The following CPNE8 variants were observed in gnomAD, a reference collection of about 807,000 sequenced individuals.
CPNE8 encodes copine-8.
CPNE8 carries 45 observed loss-of-function variants against 81.5 expected under a neutral mutation model. The ratio of observed to expected loss-of-function variants is 0.55; its 90% CI spans 0.44 to 0.71. The LOEUF is 0.71. Among genes scored for constraint, CPNE8 ranks in the 30% least tolerant of loss-of-function variants. The pLI, the probability that CPNE8 is intolerant of heterozygous loss-of-function variation, is 0.00. For synonymous variants in CPNE8, 252 were observed against 226.3 expected, an observed-to-expected ratio of 1.11 and a Z score of -1.02; for missense variants, 594 against 672.1, an observed-to-expected ratio of 0.88 and a Z score of 1.28.
chr12:38,821,640 T>A (rs1409640405), intron 6 of CPNE8, among the ~76,000 whole-genome samples: 1 of 152,200 alleles, frequency 6.6e-6, no homozygotes, highest in Non-Finnish European at 1.5e-5. Flanking sequence ...TTTACCTATA[T>A]CTCTCATGAC....
Position 38,805,352 on chromosome 12 carries a change from TC to T in CPNE8, c.407+24026del, listed in dbSNP as rs1178388389. Among the ~76,000 whole-genome samples, 17 of 22,082 alleles carry T rather than the reference TC, an allele frequency of 7.7e-4. No homozygotes were observed. The South Asian group carries it at 0.025, about 32-fold the overall frequency. The allele number at this position is 22,082 out of a possible 152,430, so 14.5% of individuals were successfully genotyped here. On this transcript the variant is annotated intron_variant, in intron 6 of 19. Coordinates refer to ENST00000331366, the MANE Select transcript of CPNE8 (RefSeq NM_153634.3). ...AGCCATAAAAAATGATGAGTTCATG[TC>T]CTTTGTAGGGACATGGATGAAATTG...
intron 18 of CPNE8, 26 bp from the exon 19 acceptor site, chr12:38,670,828 T>C (rs7980889): frequency 0.056 from 86,862 of 1,546,648 alleles, 7,787 homozygotes; most frequent in East Asian, 0.46. Flanking sequence ...TGATCATTTA[T>C]TCAGTACATT....
At chr12:38,704,909 T>C (rs1940066922) in intron 13 of CPNE8, among the ~76,000 whole-genome samples, 1 of 119,374 alleles carries the variant, frequency 8.4e-6, no homozygotes, top group Non-Finnish European at 1.8e-5. Context: ...TTTAGTGAAT[T>C]AGTTTAGTTT....
At chr12:38,730,823 A>G (rs1408993883) in intron 10 of CPNE8, among the ~76,000 whole-genome samples, 2 of 149,896 alleles carry the variant, frequency 1.3e-5, no homozygotes. Context: ...AAAAGTTATA[A>G]CATATTAATA....
chr12:38,873,195 C>G, intron 2 of CPNE8, 145 bp from the exon 3 acceptor site: 1 of 560,296 alleles, frequency 1.8e-6, no homozygotes, highest in Admixed American at 3.8e-5. Flanking sequence ...AAAAAAAAGG[C>G]TAGTAAATCA....
At chr12:38,894,335 C>T (rs1442069707) in intron 1 of CPNE8, among the ~76,000 whole-genome samples, 2 of 152,130 alleles carry the variant, frequency 1.3e-5, no homozygotes, top group Non-Finnish European at 2.9e-5. Context: ...TCAAACTTTT[C>T]CCAAAAAAAT....
At chr12:38,783,904 A>G (rs773005098) in intron 6 of CPNE8, among the ~76,000 whole-genome samples, 1 of 152,180 alleles carries the variant, frequency 6.6e-6, no homozygotes, top group Non-Finnish European at 1.5e-5. Flanking sequence ...ATGGGTACCA[A>G]CAAGCCCAGA....
At chr12:38,712,424 G>A (rs938248744) in intron 13 of CPNE8, among the ~76,000 whole-genome samples, 1 of 151,954 alleles carries the variant, frequency 6.6e-6, no homozygotes, top group African/African-American at 2.4e-5. Flanking sequence ...TATTGTCCAG[G>A]CTGGTCTCAC....
At chr12:38,675,311 C>T (rs1939263714) in intron 18 of CPNE8, among the ~76,000 whole-genome samples, 1 of 152,132 alleles carries the variant, frequency 6.6e-6, no homozygotes, top group Non-Finnish European at 1.5e-5. Flanking sequence ...TTTTCACAAC[C>T]TAATGATTTA....
intron 7 of CPNE8, among the ~76,000 whole-genome samples, chr12:38,773,308 A>G (rs1425688243): frequency 1.3e-5 from 2 of 152,138 alleles, no homozygotes; most frequent in African/African-American, 2.4e-5. Flanking sequence ...GGTAAATCTT[A>G]TGCTGTTTAT....
At chr12:38,769,393 T>G (rs2136872659) in intron 7 of CPNE8, among the ~76,000 whole-genome samples, 1 of 152,266 alleles carries the variant, frequency 6.6e-6, no homozygotes, top group East Asian at 1.9e-4. Flanking sequence ...ATTAGAGGTT[T>G]AAAGATCAAA....
rs143244346 is a variant in CPNE8, at chr12:38,734,577, C to T, written c.723-4219G>A. ...ATATGGACCAATGGCAAATACATAC[C>T]TAACCCACCTCATCCCTTTCTCTAC... On this transcript the variant is annotated intron_variant, in intron 10 of 19. Coordinates refer to ENST00000331366, the MANE Select transcript of CPNE8 (RefSeq NM_153634.3). Among the ~76,000 whole-genome samples, 75 of 152,070 alleles carry T rather than the reference C, an allele frequency of 4.9e-4. 1 individual carries two copies. The East Asian group carries it at 6.8e-3, about 14-fold the overall frequency.
intron 10 of CPNE8, among the ~76,000 whole-genome samples, chr12:38,737,344 T>G (rs549732682): frequency 1.2e-4 from 18 of 152,216 alleles, no homozygotes; most frequent in Admixed American, 3.3e-4. Context: ...ACAGATACTT[T>G]ATTCAAGAAC....
chr12:38,886,931 T>G (rs994860940), intron 1 of CPNE8, among the ~76,000 whole-genome samples: 1 of 151,472 alleles, frequency 6.6e-6, no homozygotes, highest in African/African-American at 2.4e-5. Flanking sequence ...AGCAAAAAAG[T>G]TGTGAATATA....
chr12:38,697,137 GA>G (rs558059544), intron 14 of CPNE8, among the ~76,000 whole-genome samples: 23 of 152,128 alleles, frequency 1.5e-4, no homozygotes, highest in Non-Finnish European at 2.9e-4. Flanking sequence ...GTTAATTTCA[GA>G]ACATTTTTAT....
intron 13 of CPNE8, among the ~76,000 whole-genome samples, chr12:38,715,068 A>G (rs1940352396): frequency 6.6e-6 from 1 of 152,004 alleles, no homozygotes; most frequent in Admixed American, 6.6e-5. Context: ...ATAATTTTTG[A>G]TTCCATTATT....
At chr12:38,803,417 T>A (rs1478050217) in intron 6 of CPNE8, among the ~76,000 whole-genome samples, 2 of 150,108 alleles carry the variant, frequency 1.3e-5, no homozygotes, top group African/African-American at 4.9e-5. Context: ...CACATGATTA[T>A]CTCAATAGAT....
At chr12:38,813,562 C>A (rs1215424377) in intron 6 of CPNE8, among the ~76,000 whole-genome samples, 5 of 151,964 alleles carry the variant, frequency 3.3e-5, no homozygotes, top group Non-Finnish European at 5.9e-5. Context: ...GCAGTTGTGC[C>A]AAGGGGAGAA....
intron 3 of CPNE8, among the ~76,000 whole-genome samples, chr12:38,864,009 G>T (rs1007020740): frequency 1.7e-4 from 25 of 148,492 alleles, no homozygotes; most frequent in East Asian, 6.0e-4. Flanking sequence ...AGCCGAGATT[G>T]CTCCACTGCA....
Sources: gnomAD v4.1 joint callset for allele counts (sites outside exome capture counted in the v4.1 genomes callset) on GRCh38, gnomAD v4.1.1 for gene constraint, MANE v1.5 for transcripts, NCBI Gene and HGNC (gene_info 2026-07-23, HGNC 2026-07-21) for gene names.